Variants in RPS10 observed in about 807,000 individuals in gnomAD.
The protein encoded by RPS10 is ribosomal protein S10.
A neutral mutation model predicts 22.6 loss-of-function variants in RPS10; 2 were observed. The observed-to-expected ratio is 0.09, with a 90% CI of 0.04 to 0.28. The LOEUF (loss-of-function observed/expected upper bound fraction) is 0.28, where lower values mean the gene tolerates loss of function less well. RPS10 is among the 10% of genes least tolerant of loss of function. The pLI is 1.00. For synonymous variants in RPS10, 70 were observed against 75.9 expected, an observed-to-expected ratio of 0.92 and a Z score of 0.40; for missense variants, 137 against 222.2, an observed-to-expected ratio of 0.62 and a Z score of 2.44.
chr6:34,424,939 C>T (rs1457262590), intron 2 of RPS10, 99 bp from the exon 3 acceptor site: 4 of 1,606,664 alleles, frequency 2.5e-6, no homozygotes, highest in Middle Eastern at 3.4e-4. Flanking sequence ...AGCAAGCAGC[C>T]CCCGCAGTCC....
chr6:34,425,049 C>A lies in RPS10; in HGVS notation c.150+23G>T, dbSNP rs114317819. ...GGATCCCGGGGAGGAAGATCCATCC[C>A]ATCTTCCTCCTCACCCTCCTACCTG... On this transcript the variant is annotated intron_variant, in intron 2 of 5. Coordinates refer to ENST00000648437, the MANE Select transcript of RPS10 (RefSeq NM_001014.5). The A allele has an allele frequency of 3.3e-4, 539 of 1,612,006 alleles. 1 individual carries two copies. The African/African-American group carries it at 5.6e-3, about 17-fold the overall frequency.
At chr6:34,425,292 A>C in intron 1 of RPS10, 71 bp from the exon 2 acceptor site, 4 of 1,537,134 alleles carry the variant, frequency 2.6e-6, no homozygotes, top group Non-Finnish European at 3.5e-6. Context: ...CAAGTTCTTG[A>C]TCCTAAAGTG....
At chr6:34,424,881 C>T (rs1338308918) in intron 2 of RPS10, 41 bp from the exon 3 acceptor site, 1 of 1,613,212 alleles carries the variant, frequency 6.2e-7, no homozygotes, top group Non-Finnish European at 8.5e-7. Context: ...TAAGTAGAAG[C>T]TTGGATCATC....
At chr6:34,419,580 TTA>T (rs1263025129) in intron 4 of RPS10, among the ~76,000 whole-genome samples, 2 of 15,864 alleles carry the variant, frequency 1.3e-4, no homozygotes, top group African/African-American at 5.2e-4. Flanking sequence ...ATTTATTTAC[TTA>T]TTTTTTTTTT....
chr6:34,417,776 C>T, intron 5 of RPS10: 1 of 718,718 alleles, frequency 1.4e-6, no homozygotes, highest in East Asian at 2.7e-5. Context: ...TGGCCACCCA[C>T]CCAGAGTGTG....
chr6:34,420,010 G>A (rs542759489), intron 4 of RPS10, among the ~76,000 whole-genome samples: 3 of 152,256 alleles, frequency 2.0e-5, no homozygotes, highest in African/African-American at 2.4e-5. Context: ...GGCCTTCCAA[G>A]TAGCTGGGAC....
At chr6:34,418,064 A>T (rs150425872) in intron 5 of RPS10, 130 of 901,264 alleles carry the variant, frequency 1.4e-4, no homozygotes, top group Middle Eastern at 1.3e-3. Context: ...ATTTGATTTC[A>T]TACCATCTTG....
chr6:34,425,390 C>T, intron 1 of RPS10, 169 bp from the exon 2 acceptor site: 2 of 772,962 alleles, frequency 2.6e-6, no homozygotes, highest in Admixed American at 2.2e-5. Context: ...TCAGTCCCCA[C>T]CCCCAAACAC....
rs117203660 is a variant in RPS10 at position 34,418,996 on chromosome 6, G to A, written c.401-572C>T. The stretch of plus-strand genomic sequence containing the variant: ...CTCAAGCGATCCTCCCACCTCAGGT[G>A]GGACTACAGGCAGCTAATTTTTATA... On this transcript the variant is annotated intron_variant, in intron 4 of 5. Transcript: ENST00000648437. Among the ~76,000 whole-genome samples the A allele has an allele frequency of 8.0e-3, 1,209 of 151,886 alleles. 10 individuals carry two copies. The highest frequency in any genetic ancestry group is 0.024 in the Middle Eastern group (7 of 294).
rs758507410 is a variant in RPS10 at position 34,424,708 on chromosome 6, G to T, written c.283C>A (p.Arg95Ser). The change falls in exon 3 of 6, where the codon CGC becomes AGC. Residue 95 changes from arginine to serine, a missense_variant. Physicochemically the swap from Arg to Ser is moderately radical, Grantham distance 110. Transcript: ENST00000648437. ...LPPEIVPATLRRSRPETGRPR... is the reference protein window; with the variant it reads ...LPPEIVPATLSRSRPETGRPR... ...CTGCCAGTCTCTGGACGGCTACGGCGTAGGGTGGCAGGCACAATCTCCGGG... is the reference window on the plus strand; with the variant it reads ...CTGCCAGTCTCTGGACGGCTACGGCTTAGGGTGGCAGGCACAATCTCCGGG... The T allele has an allele frequency of 6.2e-7, 1 of 1,614,158 alleles. No individual in the cohort carries two copies.
chr6:34,418,187 G>A (rs1187256454), intron 5 of RPS10, 182 bp downstream of exon 5: 17 of 1,502,298 alleles, frequency 1.1e-5, no homozygotes, highest in East Asian at 4.9e-5. Flanking sequence ...AGTAATTTAT[G>A]TATTTACAAA....
At chr6:34,422,947 G>C (rs1765819155) in intron 3 of RPS10, among the ~76,000 whole-genome samples, 1 of 151,936 alleles carries the variant, frequency 6.6e-6, no homozygotes, top group African/African-American at 2.4e-5. Flanking sequence ...CGGGTGTGGT[G>C]GTGCACGCCT....
chr6:34,422,449 G>T (rs373274398), intron 3 of RPS10, among the ~76,000 whole-genome samples: 1 of 152,248 alleles, frequency 6.6e-6, no homozygotes, highest in East Asian at 1.9e-4. Flanking sequence ...CCAGTAGGTG[G>T]GATTACATGC....
chr6:34,421,000 T>C (rs1765744801), intron 4 of RPS10, among the ~76,000 whole-genome samples: 1 of 147,192 alleles, frequency 6.8e-6, no homozygotes, highest in Non-Finnish European at 1.5e-5. Flanking sequence ...AGAGCGAGAC[T>C]GTCTCAAAAA....
At position 34,421,786 on chromosome 6, in the gene RPS10, G is replaced by T. The variant is rs774624551; in HGVS notation, c.344C>A (p.Ala115Glu). ...RPKGLEGERP[A>E]RLTRGEADRD... ...GTCAGCTTCCCCTCTTGTGAGTCTC[G>T]CAGGTCGCTCACCCTCCAGACCTAT... The change falls in exon 4 of 6, where the codon GCG becomes GAG. Residue 115 changes from alanine (A) to glutamate (E), a missense_variant. Transcript: ENST00000648437. 5.0e-6 allele frequency: 8 copies of T among 1,613,682 alleles called. No individual in the cohort carries two copies. Among genetic ancestry groups the T allele is most frequent in the Non-Finnish European group, 6.8e-6 (8 of 1,179,844 alleles).
chr6:34,424,888 C>T, intron 2 of RPS10, 48 bp from the exon 3 acceptor site: 2 of 1,612,798 alleles, frequency 1.2e-6, no homozygotes, highest in Non-Finnish European at 8.5e-7. Flanking sequence ...AAGCTTGGAT[C>T]ATCCTAGGCA....
rs372958960 is a variant in RPS10 at position 34,425,030 on chromosome 6, C to G, written c.150+42G>C. ...TCCATCCCATCCCGGGATGGGATCC[C>G]GGGGAGGAAGATCCATCCCATCTTC... On this transcript the variant is annotated intron_variant, in intron 2 of 5. Coordinates refer to ENST00000648437, the MANE Select transcript of RPS10 (RefSeq NM_001014.5). 6 of 1,611,118 alleles carry G rather than the reference C, an allele frequency of 3.7e-6. No individual in the cohort carries two copies. The African/African-American group carries it at 6.7e-5, about 18-fold the overall frequency.
rs750550701 is a variant in RPS10, at chr6:34,424,851, G to A, written c.151-11C>T. ...TCGGGACTTGAGAGACTGTAAGGCAGAAAACTACTGTTAAGGCGTTAAGTA... is the reference window on the plus strand; with the variant it reads ...TCGGGACTTGAGAGACTGTAAGGCAAAAAACTACTGTTAAGGCGTTAAGTA... On this transcript the variant is annotated splice_polypyrimidine_tract_variant and intron_variant, in intron 2 of 5. Transcript: ENST00000648437. 2 of 1,613,770 alleles carry A rather than the reference G, an allele frequency of 1.2e-6. No homozygotes were observed. Among genetic ancestry groups the A allele is most frequent in the East Asian group, 2.2e-5 (1 of 44,890 alleles).
intron 4 of RPS10, among the ~76,000 whole-genome samples, chr6:34,419,102 T>C (rs1300152267): frequency 6.6e-6 from 1 of 152,160 alleles, no homozygotes; most frequent in Non-Finnish European, 1.5e-5. Flanking sequence ...CACTGCAACC[T>C]CCGCCTCCCA....
Sources: allele counts gnomAD v4.1 joint callset (sites outside exome capture counted in the v4.1 genomes callset), GRCh38; gene constraint gnomAD v4.1.1; transcripts MANE v1.5; gene names NCBI Gene and HGNC (gene_info 2026-07-23, HGNC 2026-07-21).